Variants in ME2 observed in about 807,000 individuals in gnomAD.
The protein encoded by ME2 is NAD-dependent malic enzyme, mitochondrial.
Under a neutral mutation model 73.7 loss-of-function variants are expected in ME2, and 60 were observed. The ratio of observed to expected loss-of-function variants is 0.81; its 90% CI spans 0.66 to 1.01. The LOEUF (loss-of-function observed/expected upper bound fraction) is 1.01, where lower values mean the gene tolerates loss of function less well. Among genes scored for constraint, ME2 ranks in the 50% least tolerant of loss-of-function variants. ME2 has a pLI of 0.00. For missense variants in ME2, 594 were observed against 705.5 expected (o/e 0.84, Z 1.79); for synonymous variants, 199 against 236.9 (o/e 0.84, Z 1.47).
chr18:50,904,109 T>C (rs1037658302), intron 2 of ME2, among the ~76,000 whole-genome samples: 4 of 152,244 alleles, frequency 2.6e-5, no homozygotes, highest in African/African-American at 9.6e-5. Context: ...TAAAATGTCC[T>C]CTGTAGTAGC....
chr18:50,915,785 T>G (rs1001317100), intron 4 of ME2: 1 of 155,084 alleles, frequency 6.4e-6, no homozygotes, highest in African/African-American at 2.4e-5. Context: ...CCTTCAAATT[T>G]CAAATTTTCA....
At chr18:50,918,072 ATAAAT>A (rs1266239912) in intron 6 of ME2, 33 bp from the exon 7 acceptor site, 2 of 1,351,072 alleles carry the variant, frequency 1.5e-6, no homozygotes, top group Non-Finnish European at 2.0e-6. Flanking sequence ...AACTGATTAT[ATAAAT>A]TATTTTATTT....
intron 13 of ME2, among the ~76,000 whole-genome samples, chr18:50,936,743 T>C (rs1568174756): frequency 6.6e-6 from 1 of 151,952 alleles, no homozygotes; most frequent in Non-Finnish European, 1.5e-5. Context: ...CCTGGCAACA[T>C]AGGGAGACTC....
At chr18:50,924,385 T>G (rs1483462927) in intron 11 of ME2, among the ~76,000 whole-genome samples, 173 bp downstream of exon 11, 1 of 150,994 alleles carries the variant, frequency 6.6e-6, no homozygotes, top group Non-Finnish European at 1.5e-5. Flanking sequence ...TTACCAGATG[T>G]TGCTTTATAC....
intron 1 of ME2, among the ~76,000 whole-genome samples, chr18:50,890,650 C>CA (rs1916587119): frequency 6.6e-6 from 1 of 151,904 alleles, no homozygotes; most frequent in Admixed American, 6.6e-5. Context: ...CTTTTTTCAA[C>CA]AAAAAACACA....
At chr18:50,912,296 T>C (rs78790710) in intron 3 of ME2, among the ~76,000 whole-genome samples, 5,299 of 152,354 alleles carry the variant, frequency 0.035, 124 homozygotes, top group Admixed American at 0.048. Flanking sequence ...GTGCTGCTTC[T>C]GCACTCTGTG....
At chr18:50,920,363 T>C in intron 7 of ME2, 93 bp from the exon 8 acceptor site, 2 of 882,710 alleles carry the variant, frequency 2.3e-6, no homozygotes, top group Non-Finnish European at 3.5e-6. Context: ...ACATAATACA[T>C]TATTTTTGAA....
chr18:50,924,274 A>G (rs1239727800), intron 11 of ME2, 62 bp downstream of exon 11: 1 of 1,069,026 alleles, frequency 9.4e-7, no homozygotes, highest in Non-Finnish European at 1.4e-6. Flanking sequence ...AGTCATCATT[A>G]CCATGTAGGA....
intron 1 of ME2, among the ~76,000 whole-genome samples, chr18:50,881,935 A>C (rs914675612): frequency 2.0e-5 from 3 of 152,228 alleles, no homozygotes; most frequent in African/African-American, 4.8e-5. Flanking sequence ...GAGAAAATGC[A>C]AATTGGGGAG....
intron 13 of ME2, chr18:50,939,107 G>A (rs571659578): frequency 2.3e-5 from 2 of 85,328 alleles, no homozygotes; most frequent in South Asian, 3.5e-4. Context: ...GAAAATGCAA[G>A]ATCAGCACAA....
At chr18:50,925,027 T>C (rs1029676116) in intron 11 of ME2, among the ~76,000 whole-genome samples, 2 of 151,712 alleles carry the variant, frequency 1.3e-5, no homozygotes, top group African/African-American at 4.8e-5. Context: ...ACCATTCTAC[T>C]TTTTGTCTCT....
At chr18:50,901,042 A>G (rs1188865705) in intron 2 of ME2, among the ~76,000 whole-genome samples, 1 of 152,230 alleles carries the variant, frequency 6.6e-6, no homozygotes, top group Non-Finnish European at 1.5e-5. Flanking sequence ...AACATAAGCC[A>G]TAGAACATGT....
At position 50,920,510 on chromosome 18, in the gene ME2, C is replaced by G; in HGVS notation, c.789C>G (p.Phe263Leu). Reference protein sequence around the residue: ...QFEDFGNHNAFRFLRKYREKY... With the variant: ...QFEDFGNHNALRFLRKYREKY... ...AAGACTTTGGAAATCATAATGCATT[C>G]AGGTTCTTGAGAAAGTACCGAGAAA... Residue 263 changes from phenylalanine to leucine, a missense_variant, in exon 8 of 16, where the codon TTC becomes TTG. By Grantham distance (22) the Phe-to-Leu change is conservative. Transcript: ENST00000321341. 2 of 1,599,724 alleles carry G rather than the reference C, an allele frequency of 1.3e-6. No homozygotes were observed. The highest frequency in any genetic ancestry group is 8.5e-7 in the Non-Finnish European group (1 of 1,176,816).
At chr18:50,907,484 C>T (rs1393168969) in intron 2 of ME2, among the ~76,000 whole-genome samples, 2 of 152,212 alleles carry the variant, frequency 1.3e-5, no homozygotes, top group African/African-American at 4.8e-5. Context: ...CTTGCTCCAG[C>T]ATTTTCATTG....
In ME2 at chr18:50,917,410, G is replaced by A; in HGVS notation, c.532G>A (p.Gly178Arg). The A allele has an allele frequency of 6.2e-7, 1 of 1,612,424 alleles. No individual in the cohort carries two copies. The highest frequency in any genetic ancestry group is 1.1e-5 in the South Asian group (1 of 91,026). The change falls in exon 6 of 16, where the codon GGA becomes AGA. Residue 178 changes from glycine to arginine, a missense_variant. Coordinates refer to ENST00000321341, the MANE Select transcript of ME2 (RefSeq NM_002396.5). ...TGGAGATCTGGGTGTCTATGGAATG[G>A]GAATTCCAGTAGGAAAACTTTGTTT... The part of the protein sequence containing the change: ...GLGDLGVYGM[G>R]IPVGKLCLYT...
chr18:50,940,004 A>G (rs991806145), intron 14 of ME2: 4 of 442,534 alleles, frequency 9.0e-6, no homozygotes, highest in African/African-American at 6.0e-5. Flanking sequence ...AAGAACTCAC[A>G]TTAATACAAT....
chr18:50,924,048 CT>C lies in ME2; in HGVS notation c.1057-47del, dbSNP rs752588741. 36 of 1,126,046 alleles carry C rather than the reference CT, an allele frequency of 3.2e-5. No homozygotes were observed. The East Asian group carries it at 8.5e-4, about 27-fold the overall frequency. 69.8% of individuals were successfully genotyped at this position (1,126,046 alleles called of 1,614,324 possible). On this transcript the variant is annotated intron_variant, in intron 10 of 15. Coordinates refer to ENST00000321341, the MANE Select transcript of ME2 (RefSeq NM_002396.5). The stretch of plus-strand genomic sequence containing the variant: ...TCATAATGATGTCTTTTTATTTCAT[CT>C]TTAATATGCATTGACTAAAAAAATA...
chr18:50,895,767 A>G lies in ME2; in HGVS notation c.-12-42A>G, dbSNP rs192405185. On this transcript the variant is annotated intron_variant, in intron 1 of 15. Coordinates refer to ENST00000321341, the MANE Select transcript of ME2 (RefSeq NM_002396.5). The stretch of plus-strand genomic sequence containing the variant: ...TACCCGATGGACATGAAGGCCTATA[A>G]TATGATTCTCTTCAGTGGTTTATTT... 3.6e-4 allele frequency: 465 copies of G among 1,293,624 alleles called. 1 individual carries two copies. In the African/African-American group the frequency reaches 6.3e-3, roughly 18 times the overall value. 80.1% of individuals were successfully genotyped at this position (1,293,624 alleles called of 1,614,324 possible).
At chr18:50,892,945 G>T (rs1599088296) in intron 1 of ME2, among the ~76,000 whole-genome samples, 1 of 151,926 alleles carries the variant, frequency 6.6e-6, no homozygotes, top group East Asian at 1.9e-4. Flanking sequence ...CCAACATGGT[G>T]AAACCCTGTC....
Sources: gnomAD v4.1 joint callset for allele counts (sites outside exome capture counted in the v4.1 genomes callset) on GRCh38, gnomAD v4.1.1 for gene constraint, MANE v1.5 for transcripts, NCBI Gene and HGNC (gene_info 2026-07-23, HGNC 2026-07-21) for gene names.